Variants in FRMPD1 observed in about 807,000 individuals in gnomAD.
FRMPD1 encodes the protein FERM and PDZ domain containing 1, also known as FERM and PDZ domain-containing protein 1.
A neutral mutation model predicts 117.8 loss-of-function variants in FRMPD1; 76 were observed. That is an observed-to-expected ratio of 0.65 (90% CI 0.54 to 0.78). FRMPD1 has a LOEUF of 0.78. Ranked by LOEUF, FRMPD1 falls within the 30% of genes least tolerant of loss-of-function variation. The pLI is 0.00. For synonymous variants in FRMPD1, 783 were observed against 770.4 expected, an observed-to-expected ratio of 1.02 and a Z score of -0.27; for missense variants, 1,786 against 1,964.5, an observed-to-expected ratio of 0.91 and a Z score of 1.72.
chr9:37,648,449 G>A (rs914751509), upstream of FRMPD1, among the ~76,000 whole-genome samples: 6 of 152,150 alleles, frequency 3.9e-5, no homozygotes, highest in African/African-American at 1.2e-4. Context: ...AACAATGGAG[G>A]TGTCTTCAGC....
At chr9:37,707,641 G>A (rs1002688683) in intron 3 of FRMPD1, 68 bp downstream of exon 3, 5 of 1,280,474 alleles carry the variant, frequency 3.9e-6, no homozygotes, top group Admixed American at 3.6e-5. Flanking sequence ...AAATCTCCCC[G>A]ATCTCTCTAT....
Position 37,729,713 on chromosome 9 carries a change from CTCT to C in FRMPD1, c.613-14_613-12del. On this transcript the variant is annotated splice_polypyrimidine_tract_variant and intron_variant, in intron 7 of 15. Transcript: ENST00000377765. ...TGTTTCTTGCGTAACTCCTGCACCTCTCTGTGCCTGCTAGGACATCATCCTCAC... is the reference window on the plus strand; with the variant it reads ...TGTTTCTTGCGTAACTCCTGCACCTCGTGCCTGCTAGGACATCATCCTCAC... 1 of 1,613,184 alleles carries C rather than the reference CTCT, an allele frequency of 6.2e-7. No individual in the cohort carries two copies. The highest frequency in any genetic ancestry group is 8.5e-7 in the Non-Finnish European group (1 of 1,179,548).
In FRMPD1 at chr9:37,730,980, G is replaced by T. The variant is rs373111677; in HGVS notation, c.739-4G>T. ...ATTAATAGTATCTCCCTTACCCATCGCAGGTGGTAGAAAGGGAGGAGTCAC... is the reference window on the plus strand; with the variant it reads ...ATTAATAGTATCTCCCTTACCCATCTCAGGTGGTAGAAAGGGAGGAGTCAC... On this transcript the variant is annotated splice_polypyrimidine_tract_variant and splice_region_variant and intron_variant, in intron 8 of 15. Coordinates refer to ENST00000377765, the MANE Select transcript of FRMPD1 (RefSeq NM_014907.3). 2 of 1,613,536 alleles carry T rather than the reference G, an allele frequency of 1.2e-6. No individual in the cohort carries two copies. Among genetic ancestry groups the T allele is most frequent in the African/African-American group, 2.7e-5 (2 of 74,882 alleles).
the FRMPD1 span, among the ~76,000 whole-genome samples, chr9:37,619,873 A>C: frequency 1.3e-5 from 2 of 151,920 alleles, no homozygotes; most frequent in Non-Finnish European, 1.5e-5. Context: ...TACTAGCTAC[A>C]TACTGCTTTT....
the FRMPD1 span, among the ~76,000 whole-genome samples, chr9:37,610,658 G>A: frequency 2.7e-5 from 4 of 149,810 alleles, no homozygotes; most frequent in South Asian, 2.1e-4. Flanking sequence ...GCAATGGCGC[G>A]ATCTCGGCTC....
the FRMPD1 span, among the ~76,000 whole-genome samples, chr9:37,619,982 G>T: frequency 2.6e-5 from 4 of 151,852 alleles, no homozygotes; most frequent in African/African-American, 9.7e-5. Flanking sequence ...TCCTGGAGTT[G>T]GTGCTGTGAT....
chr9:37,733,689 T>C, intron 11 of FRMPD1, 41 bp from the exon 12 acceptor site: 1 of 1,580,734 alleles, frequency 6.3e-7, no homozygotes, highest in Non-Finnish European at 8.7e-7. Context: ...TTTAGACCAA[T>C]GAATAACTCT....
rs1287793166 is a variant in FRMPD1, at chr9:37,740,641, G to A, written c.2113G>A (p.Asp705Asn). 2.5e-6 allele frequency: 4 copies of A among 1,614,080 alleles called. No individual in the cohort carries two copies. Among genetic ancestry groups the A allele is most frequent in the Non-Finnish European group, 3.4e-6 (4 of 1,179,954 alleles). ...CAGGCTGTATGAAGGCAGCCACGCT[G>A]ACTACTACAGCCTGTGTTCCAGTGT... ...DPRLYEGSHADYYSLCSSVSP... is the reference protein window; with the variant it reads ...DPRLYEGSHANYYSLCSSVSP... Residue 705 changes from aspartate to asparagine, a missense_variant, in exon 15 of 16, where the codon GAC becomes AAC. Physicochemically the swap from Asp to Asn is conservative, Grantham distance 23. Transcript: ENST00000377765. This position sits in a 1 kb window ranked among gnomAD's most constrained non-coding sequence, Gnocchi z 4.2.
At chr9:37,637,227 A>G in the FRMPD1 span, 4 of 1,610,824 alleles carry the variant, frequency 2.5e-6, no homozygotes, top group Admixed American at 5.0e-5. Flanking sequence ...AGGAGCAGGC[A>G]TGACTTGCCC....
chr9:37,723,303 T>C (rs1290371773), intron 6 of FRMPD1, among the ~76,000 whole-genome samples: 1 of 152,162 alleles, frequency 6.6e-6, no homozygotes, highest in Non-Finnish European at 1.5e-5. Flanking sequence ...AAACGTGAGC[T>C]GATGGTCATG....
At chr9:37,713,033 G>T (rs1248248331) in intron 5 of FRMPD1, among the ~76,000 whole-genome samples, 1 of 151,842 alleles carries the variant, frequency 6.6e-6, no homozygotes, top group African/African-American at 2.4e-5. Flanking sequence ...GTTCCTTGAT[G>T]GGGAGACTAA....
chr9:37,691,034 T>C (rs1822114222), intron 1 of FRMPD1, among the ~76,000 whole-genome samples: 1 of 152,184 alleles, frequency 6.6e-6, no homozygotes, highest in Non-Finnish European at 1.5e-5. Flanking sequence ...GGAAATTAAG[T>C]TTTCAACACA....
At position 37,723,548 on chromosome 9, in the gene FRMPD1, G is replaced by C. The variant is rs60606814; in HGVS notation, c.517-677G>C. On this transcript the variant is annotated intron_variant, in intron 6 of 15. Coordinates refer to ENST00000377765, the MANE Select transcript of FRMPD1 (RefSeq NM_014907.3). ...AGCCAAGGATTTGTCATACCCAGGG[G>C]CAGGAAAGCTGTGACTGGGATACAA... Among the ~76,000 whole-genome samples the C allele has an allele frequency of 8.5e-3, 1,302 of 152,294 alleles. 23 individuals carry two copies. The highest frequency in any genetic ancestry group is 0.03 in the African/African-American group (1,237 of 41,558).
At chr9:37,625,188 G>A in the FRMPD1 span, among the ~76,000 whole-genome samples, 63 of 152,232 alleles carry the variant, frequency 4.1e-4, no homozygotes, top group South Asian at 6.9e-3. Context: ...ATTTGGAGGG[G>A]GTAGCAGTTT....
At chr9:37,668,543 A>G (rs1382910436) in intron 1 of FRMPD1, 1 of 152,324 alleles carries the variant, frequency 6.6e-6, no homozygotes, top group Non-Finnish European at 1.5e-5. Context: ...AGCAGGGGGA[A>G]GAGGTGTGGA....
the FRMPD1 span, among the ~76,000 whole-genome samples, chr9:37,627,399 G>A: frequency 6.6e-6 from 1 of 152,182 alleles, no homozygotes; most frequent in Non-Finnish European, 1.5e-5. Context: ...CTGCATCACT[G>A]TGCAAGTGAG....
At chr9:37,656,206 T>C (rs1363109334) in intron 1 of FRMPD1, among the ~76,000 whole-genome samples, 1 of 152,180 alleles carries the variant, frequency 6.6e-6, no homozygotes, top group African/African-American at 2.4e-5. Flanking sequence ...TTTCCCGATA[T>C]CTGAAATGGT....
chr9:37,634,102 T>A, the FRMPD1 span, among the ~76,000 whole-genome samples: 1 of 152,218 alleles, frequency 6.6e-6, no homozygotes, highest in African/African-American at 2.4e-5. Context: ...TATATTAATT[T>A]ATCAATTTTA....
At chr9:37,647,452 C>G (rs1824162351), upstream of FRMPD1, among the ~76,000 whole-genome samples, 1 of 147,130 alleles carries the variant, frequency 6.8e-6, no homozygotes, top group South Asian at 2.1e-4. Context: ...GAGGAGCTTG[C>G]AGTGAGCCGA....
Sources: allele counts gnomAD v4.1 joint callset (sites outside exome capture counted in the v4.1 genomes callset), GRCh38; gene constraint gnomAD v4.1.1; non-coding constraint Gnocchi (gnomAD v3.1); transcripts MANE v1.5; gene names NCBI Gene and HGNC (gene_info 2026-07-23, HGNC 2026-07-21).